PKP4: variants seen among roughly 807,000 people sequenced by gnomAD.
PKP4 encodes plakophilin 4.
A neutral mutation model predicts 145.1 loss-of-function variants in PKP4; 90 were observed. That is an observed-to-expected ratio of 0.62 (90% CI 0.52 to 0.74). The LOEUF is 0.74. Among genes scored for constraint, PKP4 ranks in the 30% least tolerant of loss-of-function variants. The probability of loss-of-function intolerance (pLI) is 0.00; values close to 1 mark genes in which losing one functional copy is unlikely to be tolerated. For synonymous variants in PKP4, 563 were observed against 577.2 expected, an observed-to-expected ratio of 0.98 and a Z score of 0.35; for missense variants, 1,340 against 1,482.7, an observed-to-expected ratio of 0.90 and a Z score of 1.58.
At chr2:158,554,007 A>G (rs1483540139) in intron 2 of PKP4, among the ~76,000 whole-genome samples, 2 of 152,156 alleles carry the variant, frequency 1.3e-5, no homozygotes, top group African/African-American at 4.8e-5. Context: ...CATGGGACAG[A>G]CATGAATTTA....
At chr2:158,530,872 C>T (rs1440144788) in intron 1 of PKP4, among the ~76,000 whole-genome samples, 2 of 152,122 alleles carry the variant, frequency 1.3e-5, no homozygotes, top group Non-Finnish European at 2.9e-5. Flanking sequence ...AAAATTTCCT[C>T]TCCTGCCAAG....
At chr2:158,480,418 GT>G (rs1193168121) in intron 1 of PKP4, among the ~76,000 whole-genome samples, 1 of 151,908 alleles carries the variant, frequency 6.6e-6, no homozygotes, top group Non-Finnish European at 1.5e-5. Context: ...TGTATTTTTA[GT>G]AGAGACAAGG....
At chr2:158,652,723 G>A (rs911958763) in intron 11 of PKP4, among the ~76,000 whole-genome samples, 2 of 152,192 alleles carry the variant, frequency 1.3e-5, no homozygotes, top group Non-Finnish European at 2.9e-5. Context: ...AGAATAGCCA[G>A]GAGCTGGGGC....
intron 2 of PKP4, among the ~76,000 whole-genome samples, chr2:158,542,574 T>C (rs12694963): frequency 0.96 from 146,342 of 152,256 alleles, 70,419 homozygotes; most frequent in Non-Finnish European, 0.99. Flanking sequence ...CTTTTTAACC[T>C]AGGATAAAAC....
chr2:158,590,639 A>T (rs1179305486), intron 3 of PKP4, among the ~76,000 whole-genome samples: 1 of 152,128 alleles, frequency 6.6e-6, no homozygotes, highest in African/African-American at 2.4e-5. Flanking sequence ...CAGTAAAGAC[A>T]TTTGTAAATG....
chr2:158,461,553 G>A (rs1284471309), intron 1 of PKP4, among the ~76,000 whole-genome samples: 1 of 152,028 alleles, frequency 6.6e-6, no homozygotes, highest in Non-Finnish European at 1.5e-5. Flanking sequence ...TGATTGCAAA[G>A]CATTTTTCCT....
intron 2 of PKP4, among the ~76,000 whole-genome samples, chr2:158,561,868 C>CA (rs1308502774): frequency 6.6e-6 from 1 of 151,050 alleles, no homozygotes; most frequent in East Asian, 1.9e-4. Context: ...ATACATGTGA[C>CA]ATGTTGGTTT....
intron 1 of PKP4, among the ~76,000 whole-genome samples, chr2:158,460,038 T>A (rs1477592158): frequency 6.6e-6 from 1 of 152,176 alleles, no homozygotes; most frequent in East Asian, 1.9e-4. Context: ...ATCTGGTGTC[T>A]TATGTATTAT....
chr2:158,594,910 G>A (rs959775383), intron 3 of PKP4, among the ~76,000 whole-genome samples: 3 of 152,096 alleles, frequency 2.0e-5, no homozygotes, highest in African/African-American at 7.2e-5. Flanking sequence ...CAACTCCCTC[G>A]TCCTTCAGCT....
intron 1 of PKP4, among the ~76,000 whole-genome samples, chr2:158,468,645 T>G (rs951779234): frequency 1.7e-4 from 26 of 152,108 alleles, no homozygotes; most frequent in African/African-American, 6.3e-4. Context: ...GACAGTATTT[T>G]CCTATGTGAT....
intron 3 of PKP4, chr2:158,588,904 G>A (rs1411720918): frequency 6.6e-6 from 1 of 152,106 alleles, no homozygotes. Flanking sequence ...AAAGAGACAA[G>A]CTTAGAAATT....
chr2:158,523,333 GAGCAGCCTAACCGGGAGGCACCCCCCC>G (rs1418869381), intron 1 of PKP4, among the ~76,000 whole-genome samples: 1 of 86,156 alleles, frequency 1.2e-5, no homozygotes, highest in African/African-American at 4.9e-5. Context: ...CCTGACCCCC[GAGCAGCCTAACCGGGAGGCACCCCCCC>G]AGCAGGGGCA....
At chr2:158,578,170 A>G in intron 3 of PKP4, 2 of 232,898 alleles carry the variant, frequency 8.6e-6, no homozygotes, top group East Asian at 1.6e-4. Context: ...ACTTTTCAGT[A>G]TCTTGTGTTA....
intron 1 of PKP4, among the ~76,000 whole-genome samples, chr2:158,501,060 GC>G (rs924728972): frequency 2.6e-5 from 4 of 152,074 alleles, no homozygotes; most frequent in African/African-American, 9.7e-5. Context: ...ATTAGACTTG[GC>G]AGGGACAACA....
intron 1 of PKP4, among the ~76,000 whole-genome samples, chr2:158,486,661 T>C (rs1190367892): frequency 6.6e-6 from 1 of 152,222 alleles, no homozygotes; most frequent in Admixed American, 6.5e-5. Context: ...TAAGGCATAA[T>C]AAGTTAGGAC....
At chr2:158,485,524 G>T (rs1233906713) in intron 1 of PKP4, among the ~76,000 whole-genome samples, 1 of 152,198 alleles carries the variant, frequency 6.6e-6, no homozygotes, top group Non-Finnish European at 1.5e-5. Context: ...ACTCTAAGCT[G>T]CATGAACCGT....
chr2:158,502,209 T>C (rs1235701198), intron 1 of PKP4, among the ~76,000 whole-genome samples: 1 of 152,178 alleles, frequency 6.6e-6, no homozygotes, highest in Non-Finnish European at 1.5e-5. Context: ...TGAGAACAAA[T>C]GAGCCAATCA....
At chr2:158,656,819 C>A (rs1424309747) in intron 11 of PKP4, among the ~76,000 whole-genome samples, 2 of 152,202 alleles carry the variant, frequency 1.3e-5, no homozygotes, top group Non-Finnish European at 2.9e-5. Context: ...TCCCCTTCCT[C>A]CACAAAGGAA....
chr2:158,614,387 T>A (rs947328003), intron 4 of PKP4, among the ~76,000 whole-genome samples: 12 of 152,210 alleles, frequency 7.9e-5, no homozygotes, highest in African/African-American at 2.9e-4. Context: ...ATTTTGACCA[T>A]ATTCTGAAGG....
Sources: allele counts gnomAD v4.1 joint callset (sites outside exome capture counted in the v4.1 genomes callset), GRCh38; gene constraint gnomAD v4.1.1; transcripts MANE v1.5; gene names NCBI Gene and HGNC (gene_info 2026-07-23, HGNC 2026-07-21).